Variants in LRGUK observed in about 807,000 individuals in gnomAD.
LRGUK encodes the protein leucine rich repeats and guanylate kinase domain containing.
In LRGUK, 65 loss-of-function variants were observed where a neutral mutation model predicts 76.0. That is an observed-to-expected ratio of 0.85 (90% CI 0.70 to 1.05). The LOEUF (loss-of-function observed/expected upper bound fraction) is 1.05, where lower values mean the gene tolerates loss of function less well. Ranked by LOEUF, LRGUK falls within the 50% of genes least tolerant of loss-of-function variation. The probability of loss-of-function intolerance (pLI) is 0.00; values close to 1 mark genes in which losing one functional copy is unlikely to be tolerated. For synonymous variants in LRGUK, 268 were observed against 265.6 expected (o/e 1.01, Z -0.09); for missense variants, 758 against 732.8 (o/e 1.03, Z -0.40).
chr7:134,166,711 A>G (rs11977260), intron 7 of LRGUK, among the ~76,000 whole-genome samples: 20,031 of 152,154 alleles, frequency 0.13, 1,665 homozygotes, highest in East Asian at 0.32. Flanking sequence ...ATGCTGACGG[A>G]GACAATGGCA....
intron 7 of LRGUK, among the ~76,000 whole-genome samples, chr7:134,171,627 T>C (rs1037997488): frequency 3.3e-5 from 5 of 151,900 alleles, no homozygotes; most frequent in African/African-American, 9.7e-5. Context: ...CTATCGTCAA[T>C]AGGGGCAAAG....
At chr7:134,174,575 T>G (rs200779555) in exon 8 of LRGUK, 6 of 1,606,624 alleles carry the variant, frequency 3.7e-6, no homozygotes, top group Non-Finnish European at 5.1e-6. Flanking sequence ...CTGAGAGAAA[T>G]AGAATACATT....
intron 11 of LRGUK, among the ~76,000 whole-genome samples, chr7:134,187,180 T>TA (rs5887665): frequency 2.1e-4 from 31 of 149,654 alleles, no homozygotes; most frequent in African/African-American, 7.3e-4. Flanking sequence ...TAGTTAAAAT[T>TA]AAAAAAAAAA....
chr7:134,197,473 T>C (rs1800550559), intron 13 of LRGUK, among the ~76,000 whole-genome samples: 1 of 152,226 alleles, frequency 6.6e-6, no homozygotes, highest in Non-Finnish European at 1.5e-5. Flanking sequence ...CCTTTTTCTT[T>C]TTAGAGCATG....
chr7:134,221,951 C>T, intron 16 of LRGUK, 33 bp downstream of exon 16: 1 of 1,552,950 alleles, frequency 6.4e-7, no homozygotes, highest in Non-Finnish European at 8.6e-7. Context: ...GAAGCCACAA[C>T]TGAGCTCTAT....
rs149531974 is a variant in LRGUK at position 134,135,948 on chromosome 7, G to A, written c.298-1075G>A. On this transcript the variant is annotated intron_variant, in intron 1 of 15. Coordinates refer to ENST00000645682, the Ensembl canonical transcript of LRGUK. ...TGGGATTACAGGCGTGAGCCACCGC[G>A]CCCGGCAAGAAGCTCTTTATCATAG... is the stretch of plus-strand genomic sequence containing the variant. 1.0e-3 allele frequency among the ~76,000 whole-genome samples: 157 copies of A among 152,284 alleles called. 2 individuals carry two copies. In the East Asian group the frequency reaches 0.027, roughly 26 times the overall value.
intron 18 of LRGUK, among the ~76,000 whole-genome samples, chr7:134,250,733 C>T (rs2117211428): frequency 6.6e-6 from 1 of 152,268 alleles, no homozygotes; most frequent in South Asian, 2.1e-4. Context: ...CGTGTTGAAA[C>T]TGTGATCTCT....
chr7:134,128,109 G>GAAAA (rs11291605), intron 1 of LRGUK, among the ~76,000 whole-genome samples: 1 of 136,058 alleles, frequency 7.3e-6, no homozygotes. Context: ...CTCCCTCCAG[G>GAAAA]AAAAAAAAAA....
At chr7:134,270,409 A>T in the LRGUK span, among the ~76,000 whole-genome samples, 1 of 152,168 alleles carries the variant, frequency 6.6e-6, no homozygotes, top group African/African-American at 2.4e-5. Context: ...TAAAACTCTA[A>T]GCCCATAATA....
intron 16 of LRGUK, among the ~76,000 whole-genome samples, chr7:134,231,077 A>G (rs1801876204): frequency 6.6e-6 from 1 of 152,206 alleles, no homozygotes; most frequent in African/African-American, 2.4e-5. Flanking sequence ...TGAAAAATTA[A>G]GAGCAATCTG....
downstream of LRGUK, among the ~76,000 whole-genome samples, chr7:134,213,422 G>A (rs1198753668): frequency 1.3e-5 from 2 of 152,164 alleles, no homozygotes; most frequent in Non-Finnish European, 2.9e-5. Flanking sequence ...GTGGGAGAGG[G>A]TAGATTGTGC....
At chr7:134,270,947 C>T in the LRGUK span, among the ~76,000 whole-genome samples, 23 of 152,086 alleles carry the variant, frequency 1.5e-4, no homozygotes, top group Non-Finnish European at 2.1e-4. Context: ...AGAGGGTGCT[C>T]ATTTTTTCAC....
chr7:134,266,622 G>A (rs1802860302), downstream of LRGUK, among the ~76,000 whole-genome samples: 1 of 152,156 alleles, frequency 6.6e-6, no homozygotes, highest in African/African-American at 2.4e-5. Flanking sequence ...AGAGAAAATA[G>A]ACTGAAAAAC....
chr7:134,152,344 C>T (rs139621613), intron 5 of LRGUK, among the ~76,000 whole-genome samples: 109 of 151,940 alleles, frequency 7.2e-4, no homozygotes, highest in African/African-American at 2.6e-3. Context: ...GGGGGACTAA[C>T]AAAACTCTAT....
At chr7:134,188,723 G>A (rs1800076535) in intron 11 of LRGUK, among the ~76,000 whole-genome samples, 1 of 152,106 alleles carries the variant, frequency 6.6e-6, no homozygotes, top group Non-Finnish European at 1.5e-5. Flanking sequence ...AGGAATACCT[G>A]GGCTTTTGTG....
intron 5 of LRGUK, among the ~76,000 whole-genome samples, chr7:134,155,914 G>A (rs578021510): frequency 8.5e-5 from 13 of 152,308 alleles, no homozygotes; most frequent in African/African-American, 3.1e-4. Flanking sequence ...CTGATTAACG[G>A]AAGGAGATAG....
chr7:134,229,624 C>A (rs1442251951), intron 16 of LRGUK, among the ~76,000 whole-genome samples: 1 of 152,052 alleles, frequency 6.6e-6, no homozygotes, highest in African/African-American at 2.4e-5. Flanking sequence ...ACGCTCAAAG[C>A]AATCCAGTCA....
chr7:134,261,998 A>T (rs1802738362), intron 19 of LRGUK, among the ~76,000 whole-genome samples: 1 of 152,322 alleles, frequency 6.6e-6, no homozygotes, highest in South Asian at 2.1e-4. Flanking sequence ...TTATTTGCAA[A>T]CCCCTTCAAC....
downstream of LRGUK, among the ~76,000 whole-genome samples, chr7:134,211,970 C>G (rs1452901943): frequency 1.3e-5 from 2 of 152,176 alleles, no homozygotes; most frequent in Non-Finnish European, 2.9e-5. Context: ...CTCACCACTT[C>G]TCTTCTCTGT....
Sources: allele counts gnomAD v4.1 joint callset (sites outside exome capture counted in the v4.1 genomes callset), GRCh38; gene constraint gnomAD v4.1.1; transcripts MANE v1.5; gene names NCBI Gene and HGNC (gene_info 2026-07-23, HGNC 2026-07-21).